Variants in ITIH5 observed in about 807,000 individuals in gnomAD.
The protein encoded by ITIH5 is inter-alpha-trypsin inhibitor heavy chain H5.
A neutral mutation model predicts 77.5 loss-of-function variants in ITIH5; 65 were observed. The observed-to-expected ratio is 0.84, with a 90% CI of 0.69 to 1.03. The LOEUF (loss-of-function observed/expected upper bound fraction) is 1.03, where lower values mean the gene tolerates loss of function less well. ITIH5 is among the 50% of genes least tolerant of loss of function. ITIH5 has a pLI of 0.00. For synonymous variants in ITIH5, 525 were observed against 494.3 expected (o/e 1.06, Z -0.82); for missense variants, 1,208 against 1,213.1 (o/e 1.00, Z 0.06).
At chr10:7,617,337 A>T (rs921096278) in intron 5 of ITIH5, 55 bp from the exon 6 acceptor site, 22 of 1,165,336 alleles carry the variant, frequency 1.9e-5, no homozygotes, top group Non-Finnish European at 2.5e-5. Context: ...TTCCAAAAAG[A>T]AATAAAAACT....
rs770861315 is a variant in ITIH5, at chr10:7,579,750, C to A, written c.1418+5G>T. 2 of 1,611,910 alleles carry A rather than the reference C, an allele frequency of 1.2e-6. No homozygotes were observed. The highest frequency in any genetic ancestry group is 1.7e-6 in the Non-Finnish European group (2 of 1,179,186). ...CTCTCATGCCTACGAAGACAGACCACAGACCCGATGAGCTGCGAGCCTGCG... is the reference window on the plus strand; with the variant it reads ...CTCTCATGCCTACGAAGACAGACCAAAGACCCGATGAGCTGCGAGCCTGCG... On this transcript the variant is annotated splice_donor_5th_base_variant and intron_variant, in intron 9 of 13. Coordinates refer to ENST00000397146, the MANE Select transcript of ITIH5 (RefSeq NM_030569.7).
In ITIH5 at chr10:7,641,750, G is replaced by C. The variant is rs149532762; in HGVS notation, c.299+177C>G. Reference sequence around the variant, plus strand: ...GGAGGGAAAAAGAGAAGAAGAAAAGGAATGAATGAATGAATGAACCAACCA... The same window carrying C: ...GGAGGGAAAAAGAGAAGAAGAAAAGCAATGAATGAATGAATGAACCAACCA... On this transcript the variant is annotated intron_variant, in intron 3 of 13. Transcript: ENST00000397146. 1.3e-4 allele frequency among the ~76,000 whole-genome samples: 19 copies of C among 151,698 alleles called. No homozygotes were observed. In the East Asian group the frequency reaches 3.5e-3, roughly 28 times the overall value.
At chr10:7,665,927 T>C (rs1834354569) in intron 1 of ITIH5, among the ~76,000 whole-genome samples, 1 of 152,230 alleles carries the variant, frequency 6.6e-6, no homozygotes, top group Non-Finnish European at 1.5e-5. Flanking sequence ...TCTTCATATT[T>C]AGGCAGTTGG....
intron 4 of ITIH5, among the ~76,000 whole-genome samples, chr10:7,638,783 G>A (rs1833839831): frequency 6.6e-6 from 1 of 152,164 alleles, no homozygotes; most frequent in Non-Finnish European, 1.5e-5. Context: ...AGTATTTCAT[G>A]GATATAAAGA....
At chr10:7,648,915 G>A (rs924582385) in intron 2 of ITIH5, among the ~76,000 whole-genome samples, 1 of 152,056 alleles carries the variant, frequency 6.6e-6, no homozygotes, top group Non-Finnish European at 1.5e-5. Flanking sequence ...GCTGAAAAAA[G>A]GTTCAAGAAA....
Position 7,641,972 on chromosome 10 carries a change from A to C in ITIH5, c.254T>G (p.Phe85Cys). The change falls in exon 3 of 14, where the codon TTC becomes TGC. Residue 85 changes from phenylalanine to cysteine, a missense_variant. Physicochemically the swap from Phe to Cys is radical, Grantham distance 205. Transcript: ENST00000397146. ...AGCTGCAGCTGGAATCTGCATCTGG[A>C]ACTCAATGTCCTGGTCTTCAGAAGC... Reference protein sequence around the residue: ...NRASEDQDIEFQMQIPAAAFI... With the variant: ...NRASEDQDIECQMQIPAAAFI... 1 of 1,614,148 alleles carries C rather than the reference A, an allele frequency of 6.2e-7. No individual in the cohort carries two copies. Among genetic ancestry groups the C allele is most frequent in the Non-Finnish European group, 8.5e-7 (1 of 1,179,978 alleles).
chr10:7,633,994 C>T (rs926826835), intron 5 of ITIH5, among the ~76,000 whole-genome samples: 6 of 143,384 alleles, frequency 4.2e-5, no homozygotes, highest in Admixed American at 3.8e-4. Context: ...GAGGCTGAGG[C>T]AGGAGAATGG....
At chr10:7,623,221 G>T (rs1270265298) in intron 5 of ITIH5, among the ~76,000 whole-genome samples, 1 of 152,174 alleles carries the variant, frequency 6.6e-6, no homozygotes, top group South Asian at 2.1e-4. Flanking sequence ...TGCTGTCGGA[G>T]AAAAGCAGCC....
intron 1 of ITIH5, among the ~76,000 whole-genome samples, chr10:7,661,533 T>C (rs898375902): frequency 6.6e-6 from 1 of 152,162 alleles, no homozygotes. Context: ...ATATTCCCAT[T>C]TGGGTAATTC....
chr10:7,662,156 G>A lies in ITIH5; in HGVS notation c.90+4647C>T, dbSNP rs981042955. Among the ~76,000 whole-genome samples, 10 of 152,088 alleles carry A rather than the reference G, an allele frequency of 6.6e-5. No individual in the cohort carries two copies. The South Asian group carries it at 8.3e-4, about 13-fold the overall frequency. On this transcript the variant is annotated intron_variant, in intron 1 of 13. Transcript: ENST00000397146. The stretch of plus-strand genomic sequence containing the variant: ...GCCGATCATCTGAGATCAGGAGTTC[G>A]AGACCAGCCTGGCCAACACGGTAAA...
At chr10:7,564,681 T>G (rs1296359820) in intron 13 of ITIH5, among the ~76,000 whole-genome samples, 2 of 151,756 alleles carry the variant, frequency 1.3e-5, no homozygotes, top group Non-Finnish European at 2.9e-5. Context: ...TAACGACCAT[T>G]AGAATGTATC....
chr10:7,659,161 G>A (rs912671256), intron 1 of ITIH5, among the ~76,000 whole-genome samples: 3 of 152,128 alleles, frequency 2.0e-5, no homozygotes, highest in African/African-American at 7.2e-5. Flanking sequence ...TGGATCACCT[G>A]AGGTCAAGAG....
In ITIH5 at chr10:7,586,271, C is replaced by T. The variant is rs192849615; in HGVS notation, c.940-202G>A. Among the ~76,000 whole-genome samples, 8 of 152,166 alleles carry T rather than the reference C, an allele frequency of 5.3e-5. No homozygotes were observed. The South Asian group carries it at 6.2e-4, about 12-fold the overall frequency. On this transcript the variant is annotated intron_variant, in intron 7 of 13. Coordinates refer to ENST00000397146, the MANE Select transcript of ITIH5 (RefSeq NM_030569.7). ...TATAAAGATGTTACGGTTGTAGACACGAGTGAATCAGTGCTGAATGCCGCA... is the reference window on the plus strand; with the variant it reads ...TATAAAGATGTTACGGTTGTAGACATGAGTGAATCAGTGCTGAATGCCGCA...
chr10:7,610,839 A>G (rs1564259115), intron 7 of ITIH5, among the ~76,000 whole-genome samples: 2 of 152,232 alleles, frequency 1.3e-5, no homozygotes, highest in African/African-American at 4.8e-5. Flanking sequence ...TCCTGGAAAG[A>G]GGCCATGCTG....
chr10:7,658,557 C>T (rs1304372308), intron 1 of ITIH5, among the ~76,000 whole-genome samples: 4 of 152,106 alleles, frequency 2.6e-5, no homozygotes, highest in Admixed American at 2.0e-4. Context: ...CCCAGGGTGT[C>T]GGGGCACAGC....
intron 7 of ITIH5, among the ~76,000 whole-genome samples, chr10:7,602,970 T>TGG (rs1564254996): frequency 2.2e-4 from 33 of 152,182 alleles, no homozygotes; most frequent in Non-Finnish European, 1.5e-4. Context: ...CCGTGTCCTA[T>TGG]TTGTCTTACC....
At chr10:7,634,905 G>A (rs1833775708) in intron 5 of ITIH5, among the ~76,000 whole-genome samples, 1 of 152,080 alleles carries the variant, frequency 6.6e-6, no homozygotes, top group South Asian at 2.1e-4. Flanking sequence ...GGTACTGTTA[G>A]AGAGAAATGA....
At chr10:7,645,900 G>A (rs76877073) in intron 2 of ITIH5, among the ~76,000 whole-genome samples, 2,415 of 152,240 alleles carry the variant, frequency 0.016, 41 homozygotes, top group Non-Finnish European at 0.021. Flanking sequence ...TTAACAGCAT[G>A]ACAACCTGTG....
Position 7,666,917 on chromosome 10 carries a change from C to G in ITIH5, c.-25G>C, listed in dbSNP as rs1170496002. The G allele has an allele frequency of 7.7e-5, 120 of 1,566,234 alleles. No homozygotes were observed. The highest frequency in any genetic ancestry group is 7.8e-5 in the Non-Finnish European group (90 of 1,157,220). On this transcript the variant is annotated 5_prime_UTR_variant, in exon 1 of 14. Coordinates refer to ENST00000397146, the MANE Select transcript of ITIH5 (RefSeq NM_030569.7). ...TGGCGGGGCGAGGGCGCGGGACGCT[C>G]GGGGACCCGGCGGGACACGCTTTGC...
Sources: gnomAD v4.1 joint callset for allele counts (sites outside exome capture counted in the v4.1 genomes callset) on GRCh38, gnomAD v4.1.1 for gene constraint, MANE v1.5 for transcripts, NCBI Gene and HGNC (gene_info 2026-07-23, HGNC 2026-07-21) for gene names.